Variants in SYNJ2 observed in about 807,000 individuals in gnomAD.
The protein encoded by SYNJ2 is synaptojanin 2.
SYNJ2 carries 116 observed loss-of-function variants against 141.3 expected under a neutral mutation model. The ratio of observed to expected loss-of-function variants is 0.82; its 90% CI spans 0.71 to 0.96. The LOEUF (loss-of-function observed/expected upper bound fraction) is 0.96, where lower values mean the gene tolerates loss of function less well. Among genes scored for constraint, SYNJ2 ranks in the 40% least tolerant of loss-of-function variants. SYNJ2 has a pLI of 0.00. For missense variants in SYNJ2, 1,873 were observed against 1,934.8 expected, an observed-to-expected ratio of 0.97 and a Z score of 0.60; for synonymous variants, 745 against 777.7, an observed-to-expected ratio of 0.96 and a Z score of 0.70.
At chr6:158,049,112 C>T (rs779070664) in intron 5 of SYNJ2, among the ~76,000 whole-genome samples, 1 of 152,182 alleles carries the variant, frequency 6.6e-6, no homozygotes, top group African/African-American at 2.4e-5. Flanking sequence ...GTGACTTCCA[C>T]AGCCAGGAGT....
At chr6:158,076,416 A>G (rs1052457215) in intron 16 of SYNJ2, among the ~76,000 whole-genome samples, 1 of 152,122 alleles carries the variant, frequency 6.6e-6, no homozygotes, top group Non-Finnish European at 1.5e-5. Context: ...GATAGATACG[A>G]GGGCGGTGTG....
At position 158,033,437 on chromosome 6, in the gene SYNJ2, T is replaced by C; in HGVS notation, c.486-18T>C. ...GGATGTCAAGTGACTGGAATTGGTGTGGGACTGTGTTTTGCAGGAACCAGC... is the reference window on the plus strand; with the variant it reads ...GGATGTCAAGTGACTGGAATTGGTGCGGGACTGTGTTTTGCAGGAACCAGC... On this transcript the variant is annotated intron_variant, in intron 3 of 26. Coordinates refer to ENST00000355585, the MANE Select transcript of SYNJ2 (RefSeq NM_003898.4). 1 of 1,611,834 alleles carries C rather than the reference T, an allele frequency of 6.2e-7. No individual in the cohort carries two copies.
intron 1 of SYNJ2, among the ~76,000 whole-genome samples, chr6:157,991,993 T>C (rs1337892382): frequency 6.6e-6 from 1 of 152,214 alleles, no homozygotes; most frequent in East Asian, 1.9e-4. Flanking sequence ...ATTTTTATTT[T>C]TTTGTGGGTA....
chr6:158,079,309 C>G (rs1239080965), intron 18 of SYNJ2: 1 of 151,918 alleles, frequency 6.6e-6, no homozygotes, highest in African/African-American at 2.4e-5. Flanking sequence ...TGCCTAAACT[C>G]TCATGTCAGT....
At chr6:158,057,583 G>T (rs1331108944) in intron 6 of SYNJ2, among the ~76,000 whole-genome samples, 1 of 152,252 alleles carries the variant, frequency 6.6e-6, no homozygotes, top group Non-Finnish European at 1.5e-5. Context: ...GGAGTTTGGG[G>T]TTGGGACAGC....
chr6:158,067,064 G>A (rs137952218), intron 12 of SYNJ2, among the ~76,000 whole-genome samples: 8 of 152,274 alleles, frequency 5.3e-5, no homozygotes, highest in South Asian at 4.1e-4. Context: ...TGTCACCCAG[G>A]CTAGAGTGTA....
intron 1 of SYNJ2, among the ~76,000 whole-genome samples, chr6:158,011,073 G>T (rs1161369977): frequency 1.3e-5 from 2 of 151,832 alleles, no homozygotes; most frequent in East Asian, 3.9e-4. Flanking sequence ...GGGGGGACAC[G>T]TGAGGAGAGG....
In SYNJ2 at chr6:157,993,865, A is replaced by C. The variant is rs138854323; in HGVS notation, c.127+11777A>C. Among the ~76,000 whole-genome samples, 351 of 116,856 alleles carry C rather than the reference A, an allele frequency of 3.0e-3. 2 individuals are homozygous for C. The highest frequency in any genetic ancestry group is 0.011 in the African/African-American group (332 of 30,442). 76.7% of individuals were successfully genotyped at this position (116,856 alleles called of 152,430 possible). On this transcript the variant is annotated intron_variant, in intron 1 of 26. Coordinates refer to ENST00000355585, the MANE Select transcript of SYNJ2 (RefSeq NM_003898.4). Reference sequence around the variant, plus strand: ...AGTCTCGCTCTGTCTCCCAGGCTAGAGGGCAGTGCAGCTACCTCGGCTCAC... The same window carrying C: ...AGTCTCGCTCTGTCTCCCAGGCTAGCGGGCAGTGCAGCTACCTCGGCTCAC...
At chr6:158,062,726 C>A (rs909587352) in intron 8 of SYNJ2, among the ~76,000 whole-genome samples, 1 of 152,100 alleles carries the variant, frequency 6.6e-6, no homozygotes, top group Non-Finnish European at 1.5e-5. Flanking sequence ...GATTTGTAAC[C>A]CCAAAATCAG....
chr6:158,045,800 G>T (rs575728912), intron 5 of SYNJ2, among the ~76,000 whole-genome samples: 1 of 152,120 alleles, frequency 6.6e-6, no homozygotes, highest in Non-Finnish European at 1.5e-5. Flanking sequence ...AGCCTGACCC[G>T]CCATGGGATG....
chr6:158,083,221 C>T (rs1782812547), intron 20 of SYNJ2, among the ~76,000 whole-genome samples: 1 of 152,158 alleles, frequency 6.6e-6, no homozygotes, highest in African/African-American at 2.4e-5. Context: ...GTGTGAGCCA[C>T]CGCACCCAGC....
At chr6:157,999,718 G>T (rs1777765055) in intron 1 of SYNJ2, among the ~76,000 whole-genome samples, 3 of 152,174 alleles carry the variant, frequency 2.0e-5, no homozygotes, top group Admixed American at 6.5e-5. Flanking sequence ...TAAAGGCCAG[G>T]GTTTGGGAGG....
At chr6:158,051,557 G>A (rs1437460285) in intron 5 of SYNJ2, among the ~76,000 whole-genome samples, 1 of 152,018 alleles carries the variant, frequency 6.6e-6, no homozygotes, top group East Asian at 1.9e-4. Context: ...AGCTCCATTA[G>A]CCAACAGCCA....
intron 24 of SYNJ2, 23 bp from the exon 25 acceptor site, chr6:158,089,816 C>A (rs1016953346): frequency 1.9e-6 from 3 of 1,586,952 alleles, no homozygotes; most frequent in Admixed American, 1.7e-5. Context: ...TGATACTCTG[C>A]TCTTCCTCAT....
chr6:158,067,357 C>T (rs762360259), intron 12 of SYNJ2: 29 of 896,910 alleles, frequency 3.2e-5, no homozygotes, highest in Non-Finnish European at 3.5e-5. Flanking sequence ...ACAGCTCATC[C>T]CTGCCTCTCC....
chr6:158,039,457 A>G (rs1247921116), intron 4 of SYNJ2, among the ~76,000 whole-genome samples: 3 of 152,192 alleles, frequency 2.0e-5, no homozygotes, highest in Non-Finnish European at 4.4e-5. Context: ...GGACCCTGTG[A>G]GATTTACCTG....
At chr6:158,000,064 CTTTTTTTTTTTTTTTTTTTTTTTTT>C (rs58284240) in intron 1 of SYNJ2, among the ~76,000 whole-genome samples, 44,915 of 86,082 alleles carry the variant, frequency 0.52, 7,990 homozygotes, top group South Asian at 0.6. Context: ...AGCCAAAAGG[CTTTTTTTTTTTTTTTTTTTTTTTTT>C]TTTTTTTTTT....
intron 5 of SYNJ2, among the ~76,000 whole-genome samples, chr6:158,048,395 G>A (rs1780372913): frequency 6.6e-6 from 1 of 152,184 alleles, no homozygotes; most frequent in South Asian, 2.1e-4. Flanking sequence ...GTAGCTTCTT[G>A]AAGTCCTGGG....
intron 11 of SYNJ2, among the ~76,000 whole-genome samples, chr6:158,065,873 G>A (rs186674542): frequency 2.2e-4 from 34 of 152,332 alleles, no homozygotes; most frequent in Admixed American, 1.5e-3. Context: ...AGTTTAAAAG[G>A]TGGAATATAT....
Sources: allele counts gnomAD v4.1 joint callset (sites outside exome capture counted in the v4.1 genomes callset), GRCh38; gene constraint gnomAD v4.1.1; transcripts MANE v1.5; gene names NCBI Gene and HGNC (gene_info 2026-07-23, HGNC 2026-07-21).